The following STXBP6 variants were observed in gnomAD, a reference collection of about 807,000 sequenced individuals.
STXBP6 encodes the protein syntaxin-binding protein 6.
Under a neutral mutation model 26.9 loss-of-function variants are expected in STXBP6, and 21 were observed. The observed-to-expected ratio is 0.78, with a 90% CI of 0.55 to 1.12. STXBP6 has a LOEUF of 1.12. Among genes scored for constraint, STXBP6 ranks in the 50% most tolerant of loss-of-function variants. The pLI, the probability that STXBP6 is intolerant of heterozygous loss-of-function variation, is 0.00. For missense variants in STXBP6, 232 were observed against 257.9 expected (o/e 0.90, Z 0.69); for synonymous variants, 97 against 92.6 (o/e 1.05, Z -0.27).
At chr14:24,880,791 C>G (rs2070329496) in intron 2 of STXBP6, among the ~76,000 whole-genome samples, 1 of 152,056 alleles carries the variant, frequency 6.6e-6, no homozygotes, top group Non-Finnish European at 1.5e-5. Flanking sequence ...TATGTACACC[C>G]CGGTACTAAA....
intron 2 of STXBP6, among the ~76,000 whole-genome samples, chr14:24,914,775 T>C (rs1566471850): frequency 6.6e-6 from 1 of 152,338 alleles, no homozygotes. Context: ...AGATTTATGA[T>C]CTTGATCAAA....
rs943755074 is a variant in STXBP6, at chr14:24,882,550, G to T, written c.155-25393C>A. 2.6e-5 allele frequency among the ~76,000 whole-genome samples: 4 copies of T among 151,948 alleles called. No homozygotes were observed. The East Asian group carries it at 7.7e-4, about 29-fold the overall frequency. ...ACACCCAATCACAGAGCTGCCTTAC[G>T]TGTTTCTAGTACTCTGCTTCTTGCC... On this transcript the variant is annotated intron_variant, in intron 2 of 5. Transcript: ENST00000323944.
Position 25,049,878 on chromosome 14 carries a change from C to A in STXBP6, c.-33G>T. ...CTGGCTCCCCTCGCCCCGGTCCTACCGTGCAGCCTGGCTCGCGCCCCTGCC... is the reference window on the plus strand; with the variant it reads ...CTGGCTCCCCTCGCCCCGGTCCTACAGTGCAGCCTGGCTCGCGCCCCTGCC... On this transcript the variant is annotated splice_region_variant and 5_prime_UTR_variant, in exon 1 of 6. Coordinates refer to ENST00000323944, the MANE Select transcript of STXBP6 (RefSeq NM_001394410.1). The surrounding 1 kb of genome is among the most constrained non-coding windows in gnomAD (Gnocchi z 5.6). 1.0e-6 allele frequency: 1 copy of A among 985,324 alleles called. No homozygotes were observed. Among genetic ancestry groups the A allele is most frequent in the Non-Finnish European group, 1.2e-6 (1 of 829,936 alleles). The allele number at this position is 985,324 out of a possible 1,614,324, so 61.0% of individuals were successfully genotyped here.
At chr14:24,891,856 A>C (rs1282056710) in intron 2 of STXBP6, among the ~76,000 whole-genome samples, 1 of 152,166 alleles carries the variant, frequency 6.6e-6, no homozygotes, top group African/African-American at 2.4e-5. Context: ...CTTCCATCTG[A>C]TTATCCTGGT....
At chr14:24,854,379 G>A (rs955081725) in intron 4 of STXBP6, among the ~76,000 whole-genome samples, 2 of 152,078 alleles carry the variant, frequency 1.3e-5, no homozygotes, top group African/African-American at 4.8e-5. Context: ...ATGAAGAAGT[G>A]CAATGCTTGA....
chr14:24,965,734 T>C (rs2073713375), intron 2 of STXBP6, among the ~76,000 whole-genome samples: 1 of 152,190 alleles, frequency 6.6e-6, no homozygotes, highest in South Asian at 2.1e-4. Context: ...TAAGTCAGTC[T>C]TCTGCCTAAC....
At chr14:24,933,289 C>A (rs1440455131) in intron 2 of STXBP6, among the ~76,000 whole-genome samples, 1 of 152,098 alleles carries the variant, frequency 6.6e-6, no homozygotes, top group Non-Finnish European at 1.5e-5. Flanking sequence ...ATGCAGTGAG[C>A]CAAGATCATG....
chr14:24,870,184 G>A (rs854341), intron 2 of STXBP6, among the ~76,000 whole-genome samples: 150,777 of 152,270 alleles, frequency 0.99, 74,673 homozygotes, highest in Middle Eastern at 1. Flanking sequence ...ACTTTGACTG[G>A]AATTTGAGGC....
At chr14:24,842,223 A>G (rs2068806083) in intron 4 of STXBP6, among the ~76,000 whole-genome samples, 1 of 152,284 alleles carries the variant, frequency 6.6e-6, no homozygotes. Flanking sequence ...CACTTCCCTA[A>G]GGAGCAATTG....
intron 4 of STXBP6, among the ~76,000 whole-genome samples, chr14:24,832,309 G>A (rs1350586111): frequency 6.6e-6 from 1 of 152,190 alleles, no homozygotes; most frequent in African/African-American, 2.4e-5. Flanking sequence ...TTCTCTTTCT[G>A]ACTGTCTTGT....
chr14:25,009,630 G>A (rs1394007291), intron 1 of STXBP6, among the ~76,000 whole-genome samples: 1 of 152,052 alleles, frequency 6.6e-6, no homozygotes, highest in Non-Finnish European at 1.5e-5. Context: ...AACTTACTCC[G>A]ACTTGGTGCT....
chr14:24,931,510 A>C (rs1183011738), intron 2 of STXBP6, among the ~76,000 whole-genome samples: 2 of 152,160 alleles, frequency 1.3e-5, no homozygotes, highest in Non-Finnish European at 2.9e-5. Flanking sequence ...AGTTAGGTTT[A>C]TTTCTTTTTG....
chr14:25,008,340 C>T (rs752571394), intron 1 of STXBP6, among the ~76,000 whole-genome samples: 1 of 152,048 alleles, frequency 6.6e-6, no homozygotes, highest in Admixed American at 6.6e-5. Flanking sequence ...TCCAACTCTA[C>T]AAAAAATTAG....
intron 1 of STXBP6, among the ~76,000 whole-genome samples, chr14:24,999,589 C>T (rs897194350): frequency 1.3e-4 from 20 of 152,022 alleles, no homozygotes; most frequent in African/African-American, 4.1e-4. Context: ...TACAATGTTA[C>T]GGGAATCCAA....
chr14:24,870,598 C>A (rs2069893570), intron 2 of STXBP6, among the ~76,000 whole-genome samples: 1 of 152,168 alleles, frequency 6.6e-6, no homozygotes, highest in Non-Finnish European at 1.5e-5. Context: ...TAACTTACAA[C>A]CCATCCTAAT....
chr14:25,008,319 CAG>C (rs2074950842), intron 1 of STXBP6, among the ~76,000 whole-genome samples: 1 of 152,074 alleles, frequency 6.6e-6, no homozygotes, highest in Non-Finnish European at 1.5e-5. Flanking sequence ...GCCTGGGCAT[CAG>C]AGTGGGACTC....
At chr14:24,965,144 A>G (rs904533107) in intron 2 of STXBP6, among the ~76,000 whole-genome samples, 1 of 151,988 alleles carries the variant, frequency 6.6e-6, no homozygotes, top group African/African-American at 2.4e-5. Flanking sequence ...ATGGCGGGTC[A>G]GAATGACCTT....
chr14:24,959,443 A>G (rs957182895), intron 2 of STXBP6, among the ~76,000 whole-genome samples: 1 of 152,236 alleles, frequency 6.6e-6, no homozygotes, highest in Non-Finnish European at 1.5e-5. Context: ...AGACCATTTC[A>G]GAAACCTGTC....
chr14:24,841,832 A>G (rs914180396), intron 4 of STXBP6, among the ~76,000 whole-genome samples: 3 of 152,076 alleles, frequency 2.0e-5, no homozygotes, highest in Non-Finnish European at 4.4e-5. Flanking sequence ...TCTTTTGAGT[A>G]TCATAAATGT....
Sources: allele counts gnomAD v4.1 joint callset (sites outside exome capture counted in the v4.1 genomes callset), GRCh38; gene constraint gnomAD v4.1.1; non-coding constraint Gnocchi (gnomAD v3.1); transcripts MANE v1.5; gene names NCBI Gene and HGNC (gene_info 2026-07-23, HGNC 2026-07-21).